The following RBM20 variants were observed in gnomAD, a reference collection of about 807,000 sequenced individuals.
RBM20 encodes RNA binding motif protein 20.
RBM20 carries 51 observed loss-of-function variants against 110.1 expected under a neutral mutation model. That is an observed-to-expected ratio of 0.46 (90% CI 0.37 to 0.59). The LOEUF is 0.59. RBM20 is among the 20% of genes least tolerant of loss of function. The pLI is 0.00. For missense variants in RBM20, 1,512 were observed against 1,574.9 expected, an observed-to-expected ratio of 0.96 and a Z score of 0.68; for synonymous variants, 589 against 618.2, an observed-to-expected ratio of 0.95 and a Z score of 0.70.
At chr10:110,814,436 C>T (rs1055281752) in intron 9 of RBM20, among the ~76,000 whole-genome samples, 5 of 152,036 alleles carry the variant, frequency 3.3e-5, no homozygotes, top group African/African-American at 1.2e-4. Flanking sequence ...AATAGCTGCT[C>T]AGAGAGGGTG....
chr10:110,677,993 T>G (rs1862363691), intron 1 of RBM20, among the ~76,000 whole-genome samples: 1 of 152,224 alleles, frequency 6.6e-6, no homozygotes, highest in Non-Finnish European at 1.5e-5. Context: ...ATGTGCTAGG[T>G]GCTGTCTTAG....
chr10:110,755,056 G>T (rs1843904446), intron 1 of RBM20, among the ~76,000 whole-genome samples: 2 of 152,122 alleles, frequency 1.3e-5, no homozygotes, highest in Non-Finnish European at 2.9e-5. Flanking sequence ...TGCAAATCTG[G>T]ATGAGGGCAG....
At chr10:110,816,210 T>G (rs1341065595) in intron 9 of RBM20, among the ~76,000 whole-genome samples, 1 of 152,074 alleles carries the variant, frequency 6.6e-6, no homozygotes, top group Non-Finnish European at 1.5e-5. Context: ...CATGGCCACA[T>G]TCTCTACTGT....
intron 1 of RBM20, among the ~76,000 whole-genome samples, chr10:110,736,738 C>T (rs980299163): frequency 1.3e-5 from 2 of 152,126 alleles, no homozygotes; most frequent in African/African-American, 4.8e-5. Context: ...TCAGTAAGCT[C>T]TTCATTGAAT....
In RBM20 at chr10:110,780,861, T is replaced by C; in HGVS notation, c.252T>C (p.Pro84=). The C allele has an allele frequency of 6.5e-7, 1 of 1,549,668 alleles. No individual in the cohort carries two copies. Among genetic ancestry groups the C allele is most frequent in the Non-Finnish European group, 8.7e-7 (1 of 1,145,372 alleles). Residue 84 remains proline (P), a synonymous_variant, in exon 2 of 14, where the codon CCT becomes CCC. Coordinates refer to ENST00000369519, the MANE Select transcript of RBM20 (RefSeq NM_001134363.3). ...FSVSNPNPLL[P]SPASLQLAQL... ...TCAGTAACCCGAACCCTCTGCTTCC[T>C]TCACCTGCCAGTCTCCAGCTGGCTC...
At position 110,646,944 on chromosome 10, in the gene RBM20, A is replaced by AT. The variant is rs568031756; in HGVS notation, c.191+2305dup. 5.2e-3 allele frequency among the ~76,000 whole-genome samples: 789 copies of AT among 152,226 alleles called. 9 individuals carry two copies. The highest frequency in any genetic ancestry group is 0.018 in the African/African-American group (749 of 41,514). On this transcript the variant is annotated intron_variant, in intron 1 of 13. Coordinates refer to ENST00000369519, the MANE Select transcript of RBM20 (RefSeq NM_001134363.3). Reference sequence around the variant, plus strand: ...TATTAAATATTATTAGAGAACCTCTATTTTTTCTAGTTATTTTAGTGAGGT... The same window carrying AT: ...TATTAAATATTATTAGAGAACCTCTATTTTTTTCTAGTTATTTTAGTGAGGT...
At chr10:110,678,155 C>A (rs1343875556) in intron 1 of RBM20, among the ~76,000 whole-genome samples, 1 of 152,186 alleles carries the variant, frequency 6.6e-6, no homozygotes. Context: ...TCAACCTTAT[C>A]TTTCTTATAG....
At chr10:110,761,767 A>C (rs1844007661) in intron 1 of RBM20, among the ~76,000 whole-genome samples, 1 of 152,252 alleles carries the variant, frequency 6.6e-6, no homozygotes. Context: ...CCCGGCATGG[A>C]GGCCAGATTA....
At chr10:110,824,983 C>A (rs867032526) in intron 12 of RBM20, among the ~76,000 whole-genome samples, 27 of 150,936 alleles carry the variant, frequency 1.8e-4, no homozygotes, top group Admixed American at 6.6e-4. Context: ...TTAAAAAAAT[C>A]TCTTACTATT....
chr10:110,705,066 C>T (rs11195275), intron 1 of RBM20, among the ~76,000 whole-genome samples: 26,267 of 152,148 alleles, frequency 0.17, 2,441 homozygotes, highest in East Asian at 0.32. Context: ...GTTTTAGTGA[C>T]TCACCATTGT....
At chr10:110,814,898 GA>G (rs1230447419) in intron 9 of RBM20, among the ~76,000 whole-genome samples, 1 of 152,142 alleles carries the variant, frequency 6.6e-6, no homozygotes, top group African/African-American at 2.4e-5. Context: ...GCATATTAGG[GA>G]TAATGTTTTT....
chr10:110,803,510 C>T (rs6585015), intron 7 of RBM20, among the ~76,000 whole-genome samples: 41,871 of 151,856 alleles, frequency 0.28, 5,959 homozygotes, highest in Non-Finnish European at 0.3. Flanking sequence ...GCTGTTATTG[C>T]GTATTTCTAA....
intron 12 of RBM20, among the ~76,000 whole-genome samples, chr10:110,830,336 A>G (rs1009830498): frequency 6.6e-6 from 1 of 152,242 alleles, no homozygotes; most frequent in East Asian, 1.9e-4. Flanking sequence ...GCTTGGAATC[A>G]AAAGGCCTCC....
chr10:110,721,406 G>C (rs1843503141), intron 1 of RBM20, among the ~76,000 whole-genome samples: 1 of 152,134 alleles, frequency 6.6e-6, no homozygotes, highest in African/African-American at 2.4e-5. Flanking sequence ...CCCTCCAGTG[G>C]GCCTCGGAGT....
In RBM20 at chr10:110,812,668, C is replaced by T. The variant is rs1168255004; in HGVS notation, c.2271C>T (p.Asp757=). Residue 757 remains aspartate (D), a synonymous_variant, in exon 9 of 14, where the codon GAC becomes GAT. Coordinates refer to ENST00000369519, the MANE Select transcript of RBM20 (RefSeq NM_001134363.3). ...HSVSSYKSRE[D]GYYRKEPKAK... is the part of the protein sequence containing the mutation. ...TGTCCAGCTACAAAAGCCGTGAAGA[C>T]GGCTACTACCGGAAAGAGCCCAAAG... The T allele has an allele frequency of 1.6e-5, 25 of 1,551,602 alleles. No individual in the cohort carries two copies. Among genetic ancestry groups the T allele is most frequent in the South Asian group, 4.8e-5 (4 of 84,058 alleles).
chr10:110,791,240 TTGCCATATC>T (rs1202132758), intron 5 of RBM20, among the ~76,000 whole-genome samples: 1 of 152,230 alleles, frequency 6.6e-6, no homozygotes, highest in Non-Finnish European at 1.5e-5. Context: ...AGATAAATAT[TTGCCATATC>T]TGCTCTTAGG....
At chr10:110,768,198 T>TCGGCATCAGAGGTAGAC (rs1844135451) in intron 1 of RBM20, among the ~76,000 whole-genome samples, 1 of 151,602 alleles carries the variant, frequency 6.6e-6, no homozygotes, top group Non-Finnish European at 1.5e-5. Context: ...CAGCTTCAGC[T>TCGGCATCAGAGGTAGAC]CGGCATCAGA....
At chr10:110,659,581 G>T (rs1037284439) in intron 1 of RBM20, among the ~76,000 whole-genome samples, 2 of 152,184 alleles carry the variant, frequency 1.3e-5, no homozygotes, top group African/African-American at 4.8e-5. Context: ...AGGATAAATG[G>T]TGGAAATGAC....
At chr10:110,794,854 AG>A (rs1450953834) in intron 5 of RBM20, among the ~76,000 whole-genome samples, 8 of 152,300 alleles carry the variant, frequency 5.3e-5, no homozygotes, top group African/African-American at 1.9e-4. Flanking sequence ...GGCAGCTGCG[AG>A]GTTGTTTTTT....
Sources: allele counts gnomAD v4.1 joint callset (sites outside exome capture counted in the v4.1 genomes callset), GRCh38; gene constraint gnomAD v4.1.1; transcripts MANE v1.5; gene names NCBI Gene and HGNC (gene_info 2026-07-23, HGNC 2026-07-21).